Variants in CDH4 observed in about 807,000 individuals in gnomAD.
The protein encoded by CDH4 is cadherin 4, also known as cadherin-4.
Under a neutral mutation model 86.0 loss-of-function variants are expected in CDH4, and 33 were observed. That is an observed-to-expected ratio of 0.38 (90% CI 0.29 to 0.51). The LOEUF (loss-of-function observed/expected upper bound fraction) is 0.51, where lower values mean the gene tolerates loss of function less well. CDH4 is among the 20% of genes least tolerant of loss of function. CDH4 has a pLI of 0.86. For synonymous variants in CDH4, 555 were observed against 549.4 expected, an observed-to-expected ratio of 1.01 and a Z score of -0.14; for missense variants, 1,114 against 1,307.4, an observed-to-expected ratio of 0.85 and a Z score of 2.28.
intron 2 of CDH4, among the ~76,000 whole-genome samples, chr20:61,325,300 C>T (rs2084530878): frequency 6.6e-6 from 1 of 152,020 alleles, no homozygotes; most frequent in South Asian, 2.1e-4. Context: ...AAGCTGGCAT[C>T]CCTGAATTTT....
At chr20:61,447,007 G>A (rs1271402832) in intron 2 of CDH4, among the ~76,000 whole-genome samples, 5 of 151,964 alleles carry the variant, frequency 3.3e-5, no homozygotes, top group Admixed American at 1.3e-4. Flanking sequence ...TTTAACTTAC[G>A]TTTTTCCCTC....
In CDH4 at chr20:61,565,183, G is replaced by A. The variant is rs2748149; in HGVS notation, c.170-178380G>A. ...CTCTTGGTGATGGGGTGGTGGTGGT[G>A]GTGGTCCTCTTGGTGGTGGTCGCGG... On this transcript the variant is annotated intron_variant, in intron 2 of 15. Transcript: ENST00000614565. Among the ~76,000 whole-genome samples, 33 of 100,500 alleles carry A rather than the reference G, an allele frequency of 3.3e-4. 5 individuals carry two copies. In the South Asian group the frequency reaches 4.6e-3, roughly 14 times the overall value. 65.9% of individuals were successfully genotyped at this position (100,500 alleles called of 152,430 possible).
intron 3 of CDH4, among the ~76,000 whole-genome samples, chr20:61,748,386 C>T (rs1028206714): frequency 6.6e-6 from 1 of 152,160 alleles, no homozygotes; most frequent in Non-Finnish European, 1.5e-5. Context: ...CTGCCTCGGC[C>T]TCCCAAGGAA....
chr20:61,374,075 G>A (rs910236595), intron 2 of CDH4, among the ~76,000 whole-genome samples: 2 of 152,144 alleles, frequency 1.3e-5, no homozygotes, highest in African/African-American at 4.8e-5. Context: ...GACAGAGCAT[G>A]GACCCCAAGT....
At chr20:61,781,212 T>C (rs1978522996) in intron 4 of CDH4, among the ~76,000 whole-genome samples, 1 of 150,770 alleles carries the variant, frequency 6.6e-6, no homozygotes, top group South Asian at 2.1e-4. Context: ...GCATTCACAG[T>C]GATCAGTATA....
At chr20:61,497,554 ACAG>A (rs2085671422) in intron 2 of CDH4, among the ~76,000 whole-genome samples, 5 of 152,198 alleles carry the variant, frequency 3.3e-5, no homozygotes, top group Admixed American at 2.6e-4. Flanking sequence ...AAGTCAGGAA[ACAG>A]CAGGTGCTGG....
At chr20:61,764,693 T>G (rs2088678398) in intron 3 of CDH4, among the ~76,000 whole-genome samples, 1 of 152,180 alleles carries the variant, frequency 6.6e-6, no homozygotes, top group Non-Finnish European at 1.5e-5. Context: ...TTGCAGCACC[T>G]TCCTCCCCAG....
intron 2 of CDH4, among the ~76,000 whole-genome samples, chr20:61,653,394 C>A (rs1337045497): frequency 7.3e-6 from 1 of 137,348 alleles, no homozygotes. Context: ...CCTTTCCCCC[C>A]TTTCTATTCC....
chr20:61,433,313 G>A (rs1309626525), intron 2 of CDH4, among the ~76,000 whole-genome samples: 1 of 152,122 alleles, frequency 6.6e-6, no homozygotes, highest in East Asian at 1.9e-4. Flanking sequence ...AGCCGTCTGT[G>A]TGTGGCCCTG....
At chr20:61,255,883 G>A (rs930953428) in intron 2 of CDH4, among the ~76,000 whole-genome samples, 5 of 152,134 alleles carry the variant, frequency 3.3e-5, no homozygotes, top group Admixed American at 1.3e-4. Context: ...ACTTGTTGAC[G>A]TGCCTTGTTG....
intron 2 of CDH4, among the ~76,000 whole-genome samples, chr20:61,407,517 C>T (rs2085090994): frequency 6.6e-6 from 1 of 152,104 alleles, no homozygotes; most frequent in Non-Finnish European, 1.5e-5. Flanking sequence ...TAAATGGCTA[C>T]AACCACTTTA....
intron 4 of CDH4, among the ~76,000 whole-genome samples, chr20:61,831,037 C>A (rs552883610): frequency 7.6e-4 from 115 of 152,242 alleles, no homozygotes; most frequent in African/African-American, 2.7e-3. Flanking sequence ...GGGCCGGGGT[C>A]TCGCCCCTCC....
At chr20:61,523,351 T>C (rs2085886950) in intron 2 of CDH4, among the ~76,000 whole-genome samples, 1 of 152,228 alleles carries the variant, frequency 6.6e-6, no homozygotes, top group Non-Finnish European at 1.5e-5. Context: ...TCTTGTCAGG[T>C]GACCATGCGT....
In CDH4 at chr20:61,746,841, G is replaced by A. The variant is rs546097349; in HGVS notation, c.396+3052G>A. 2.6e-5 allele frequency among the ~76,000 whole-genome samples: 4 copies of A among 152,354 alleles called. No homozygotes were observed. In the South Asian group the frequency reaches 8.3e-4, roughly 32 times the overall value. ...TTATCACAGTGCTGGGCCTTGCCAG[G>A]TGGCATGGGGGCAGGAGGAGGCAGG... On this transcript the variant is annotated intron_variant, in intron 3 of 15. Coordinates refer to ENST00000614565, the MANE Select transcript of CDH4 (RefSeq NM_001794.5).
intron 4 of CDH4, among the ~76,000 whole-genome samples, chr20:61,819,069 C>T (rs1980883046): frequency 6.6e-6 from 1 of 152,246 alleles, no homozygotes; most frequent in Admixed American, 6.5e-5. Flanking sequence ...CCTGAGCAGA[C>T]AGAGGACCCT....
At chr20:61,781,509 A>G (rs1439654668) in intron 4 of CDH4, among the ~76,000 whole-genome samples, 1 of 152,240 alleles carries the variant, frequency 6.6e-6, no homozygotes, top group Admixed American at 6.5e-5. Flanking sequence ...AACTCACTGG[A>G]TGGGTTCACA....
intron 2 of CDH4, among the ~76,000 whole-genome samples, chr20:61,530,793 C>T (rs889982671): frequency 6.6e-6 from 1 of 151,986 alleles, no homozygotes; most frequent in Non-Finnish European, 1.5e-5. Context: ...GCAGTCCTGC[C>T]CTCAGCCAGA....
chr20:61,532,838 A>G (rs2085966039), intron 2 of CDH4, among the ~76,000 whole-genome samples: 2 of 152,302 alleles, frequency 1.3e-5, no homozygotes, highest in South Asian at 4.1e-4. Context: ...CAAGCGTAGC[A>G]GCTGAAGCAA....
At chr20:61,555,444 C>T (rs763520477) in intron 2 of CDH4, among the ~76,000 whole-genome samples, 1 of 152,166 alleles carries the variant, frequency 6.6e-6, no homozygotes, top group Non-Finnish European at 1.5e-5. Context: ...GTCCTGCTAC[C>T]TGGAGCAGGA....
Sources: allele counts gnomAD v4.1 joint callset (sites outside exome capture counted in the v4.1 genomes callset), GRCh38; gene constraint gnomAD v4.1.1; transcripts MANE v1.5; gene names NCBI Gene and HGNC (gene_info 2026-07-23, HGNC 2026-07-21).